ANK2: variants seen among roughly 807,000 people sequenced by gnomAD.
The protein encoded by ANK2 is ankyrin 2.
ANK2 carries 83 observed loss-of-function variants against 360.5 expected under a neutral mutation model. That is an observed-to-expected ratio of 0.23 (90% CI 0.19 to 0.28). The LOEUF (loss-of-function observed/expected upper bound fraction) is 0.28. Among genes scored for constraint, ANK2 ranks in the 10% least tolerant of loss-of-function variants. The pLI, the probability that ANK2 is intolerant of heterozygous loss-of-function variation, is 1.00. For missense variants in ANK2, 4,201 were observed against 4,795.7 expected, an observed-to-expected ratio of 0.88 and a Z score of 3.66; for synonymous variants, 1,740 against 1,759.5, an observed-to-expected ratio of 0.99 and a Z score of 0.28.
intron 18 of ANK2, among the ~76,000 whole-genome samples, chr4:113,284,165 A>G (rs2063481831): frequency 6.6e-6 from 1 of 152,214 alleles, no homozygotes; most frequent in Admixed American, 6.5e-5. Context: ...ATAAAGCCTT[A>G]TAGTGAAATT....
At chr4:113,144,965 C>T (rs1442901486) in intron 1 of ANK2, among the ~76,000 whole-genome samples, 1 of 151,734 alleles carries the variant, frequency 6.6e-6, no homozygotes, top group Non-Finnish European at 1.5e-5. Flanking sequence ...ATGCTCATCT[C>T]AGTGGGAAAC....
At position 113,363,462 on chromosome 4, in the gene ANK2, T is replaced by G. The variant is rs148405740; in HGVS notation, c.10881T>G (p.His3627Gln). The G allele has an allele frequency of 1.7e-4, 281 of 1,613,414 alleles. No homozygotes were observed. The highest frequency in any genetic ancestry group is 1.4e-3 in the Admixed American group (86 of 59,978). Reference protein sequence around the residue: ...LKYWLERDGKHATDTNLVECL... With the variant: ...LKYWLERDGKQATDTNLVECL... ...ACTGGCTAGAGAGGGATGGGAAACATGCTACAGGTAAGTGGGGAACTATAT... is the reference window on the plus strand; with the variant it reads ...ACTGGCTAGAGAGGGATGGGAAACAGGCTACAGGTAAGTGGGGAACTATAT... The change falls in exon 40 of 46, where the codon CAT (histidine) becomes CAG (glutamine). Residue 3627 changes from histidine (H) to glutamine (Q), a missense_variant. By Grantham distance (24) the His-to-Gln change is conservative. Coordinates refer to ENST00000357077, the MANE Select transcript of ANK2 (RefSeq NM_001148.6).
chr4:113,323,082 C>A (rs1000234641), intron 26 of ANK2, among the ~76,000 whole-genome samples: 1 of 151,756 alleles, frequency 6.6e-6, no homozygotes, highest in African/African-American at 2.4e-5. Flanking sequence ...GAGGGTTTTA[C>A]GGAAGAGCAG....
chr4:112,947,592 G>C (rs1366387947), intron 2 of ANK2, among the ~76,000 whole-genome samples: 1 of 151,456 alleles, frequency 6.6e-6, no homozygotes, highest in Non-Finnish European at 1.5e-5. Flanking sequence ...TACCCAGAGA[G>C]CTAGGGGGAA....
At chr4:113,245,312 G>A (rs1440837719) in intron 9 of ANK2, among the ~76,000 whole-genome samples, 2 of 152,110 alleles carry the variant, frequency 1.3e-5, no homozygotes, top group Non-Finnish European at 2.9e-5. Flanking sequence ...AATATGTTTT[G>A]CTTTTTCTTT....
At chr4:113,125,630 A>T (rs1182986712) in intron 1 of ANK2, among the ~76,000 whole-genome samples, 1 of 152,164 alleles carries the variant, frequency 6.6e-6, no homozygotes, top group Admixed American at 6.6e-5. Flanking sequence ...ATCTGTTAGA[A>T]TTCTTCCTGT....
upstream of ANK2, among the ~76,000 whole-genome samples, chr4:112,813,762 C>G (rs2055461139): frequency 6.6e-6 from 1 of 152,144 alleles, no homozygotes; most frequent in Non-Finnish European, 1.5e-5. Context: ...TCTCAAACTC[C>G]TGAGCTCAAG....
At chr4:112,720,732 G>T in the ANK2 span, among the ~76,000 whole-genome samples, 15 of 152,138 alleles carry the variant, frequency 9.9e-5, no homozygotes, top group Admixed American at 9.2e-4. Context: ...CATAGAGTTT[G>T]GTTTTATAAT....
At chr4:113,328,251 C>G (rs1000788896) in intron 26 of ANK2, among the ~76,000 whole-genome samples, 1 of 151,412 alleles carries the variant, frequency 6.6e-6, no homozygotes, top group African/African-American at 2.4e-5. Flanking sequence ...GAGGCAGCAA[C>G]CAAAAGATGA....
the ANK2 span, among the ~76,000 whole-genome samples, chr4:112,773,327 TA>T: frequency 6.6e-6 from 1 of 152,038 alleles, no homozygotes; most frequent in Non-Finnish European, 1.5e-5. Flanking sequence ...ATTATTAGTT[TA>T]AAAAACACAG....
At chr4:113,310,766 A>G (rs1434715509) in intron 23 of ANK2, among the ~76,000 whole-genome samples, 1 of 152,216 alleles carries the variant, frequency 6.6e-6, no homozygotes, top group African/African-American at 2.4e-5. Flanking sequence ...GGGATCCATA[A>G]TATGCAGCTT....
chr4:113,063,760 T>G (rs553504662), intron 1 of ANK2, among the ~76,000 whole-genome samples: 12 of 152,290 alleles, frequency 7.9e-5, no homozygotes, highest in African/African-American at 2.9e-4. Flanking sequence ...ACTGAACTCT[T>G]AGTGTGAGTT....
chr4:112,710,363 G>A, the ANK2 span, among the ~76,000 whole-genome samples: 268 of 152,160 alleles, frequency 1.8e-3, 1 homozygote, highest in Admixed American at 6.4e-3. Flanking sequence ...TAGTATTTAC[G>A]GTAGAGTTGA....
chr4:112,778,370 C>T, the ANK2 span, among the ~76,000 whole-genome samples: 1 of 152,056 alleles, frequency 6.6e-6, no homozygotes, highest in South Asian at 2.1e-4. Flanking sequence ...TGGGGTTTCA[C>T]CAAGTTGGCC....
intron 3 of ANK2, 32 bp from the exon 4 acceptor site, chr4:113,198,971 AGAAACCTT>A: frequency 6.5e-7 from 1 of 1,544,700 alleles, no homozygotes; most frequent in Non-Finnish European, 8.9e-7. Context: ...TGCAAAATTC[AGAAACCTT>A]GAACATTTTC....
At chr4:113,368,722 G>A (rs2096624995) in intron 42 of ANK2, among the ~76,000 whole-genome samples, 1 of 152,170 alleles carries the variant, frequency 6.6e-6, no homozygotes, top group Admixed American at 6.5e-5. Context: ...AGAAGAGGAT[G>A]AAATGAGTAA....
chr4:112,835,179 A>G (rs2060734133), intron 1 of ANK2, among the ~76,000 whole-genome samples: 1 of 152,232 alleles, frequency 6.6e-6, no homozygotes, highest in Non-Finnish European at 1.5e-5. Context: ...GACTGAGTCC[A>G]TTATTCCATT....
At chr4:112,831,996 C>G (rs1011690695) in intron 1 of ANK2, among the ~76,000 whole-genome samples, 1 of 150,428 alleles carries the variant, frequency 6.6e-6, no homozygotes, top group African/African-American at 2.5e-5. Context: ...TCTTTAAGAA[C>G]TGTAACACTC....
At chr4:112,989,452 G>T (rs777703057) in intron 2 of ANK2, among the ~76,000 whole-genome samples, 3 of 152,094 alleles carry the variant, frequency 2.0e-5, no homozygotes, top group African/African-American at 7.2e-5. Flanking sequence ...ATTTTTAGTG[G>T]TGTTTTATAT....
Sources: gnomAD v4.1 joint callset for allele counts (sites outside exome capture counted in the v4.1 genomes callset) on GRCh38, gnomAD v4.1.1 for gene constraint, MANE v1.5 for transcripts, NCBI Gene and HGNC (gene_info 2026-07-23, HGNC 2026-07-21) for gene names.